Variants in FRY observed in about 807,000 individuals in gnomAD.
FRY encodes protein furry homolog.
Under a neutral mutation model 348.4 loss-of-function variants are expected in FRY, and 128 were observed. That is an observed-to-expected ratio of 0.37 (90% CI 0.32 to 0.43). The LOEUF (loss-of-function observed/expected upper bound fraction) is 0.43. Among genes scored for constraint, FRY ranks in the 20% least tolerant of loss-of-function variants. The pLI is 1.00. For synonymous variants in FRY, 1,370 were observed against 1,374.7 expected, an observed-to-expected ratio of 1.00 and a Z score of 0.08; for missense variants, 2,736 against 3,695.2, an observed-to-expected ratio of 0.74 and a Z score of 6.73.
At chr13:32,275,960 G>A (rs1888516186) in intron 56 of FRY, among the ~76,000 whole-genome samples, 1 of 151,942 alleles carries the variant, frequency 6.6e-6, no homozygotes. Flanking sequence ...GTGAGGATGT[G>A]CTTTGATTTT....
rs1316889347 is a variant in FRY at position 32,155,743 on chromosome 13, A to G, written c.1651+81A>G. The G allele has an allele frequency of 5.5e-6, 5 of 912,516 alleles. No homozygotes were observed. The African/African-American group carries it at 8.4e-5, about 15-fold the overall frequency. 56.5% of individuals were successfully genotyped at this position (912,516 alleles called of 1,614,324 possible). ...TAGATATTTATCTTTAGTGAGATGCAGTTTTTAAAAATCTTTATAGAAGTA... is the reference window on the plus strand; with the variant it reads ...TAGATATTTATCTTTAGTGAGATGCGGTTTTTAAAAATCTTTATAGAAGTA... On this transcript the variant is annotated intron_variant, in intron 15 of 60. Transcript: ENST00000542859.
At chr13:32,259,234 C>G (rs1887500038) in intron 51 of FRY, among the ~76,000 whole-genome samples, 1 of 152,230 alleles carries the variant, frequency 6.6e-6, no homozygotes, top group Admixed American at 6.5e-5. Flanking sequence ...CTGAGAAAGC[C>G]TGGTTGAGTT....
intron 27 of FRY, among the ~76,000 whole-genome samples, chr13:32,187,032 C>T (rs1278084892): frequency 6.6e-6 from 1 of 152,136 alleles, no homozygotes; most frequent in African/African-American, 2.4e-5. Context: ...CCTCCACCCA[C>T]CCCTTTAGAG....
At position 32,225,800 on chromosome 13, in the gene FRY, T is replaced by G; in HGVS notation, c.5032T>G (p.Tyr1678Asp). ...CTGTTTTGTTCCAGGTTTAGACCAC[T>G]ACCGGCCTGAAGTCTTTGAACACAG... ...LHAVFLGLDH[Y>D]RPEVFEHSKK... Residue 1678 changes from tyrosine to aspartate, a missense_variant, in exon 39 of 61, where the codon TAC becomes GAC. This residue lies in a region of FRY where 794 missense variants were observed against 977.0 expected (regional missense o/e 0.81). Transcript: ENST00000542859. 1 of 1,613,680 alleles carries G rather than the reference T, an allele frequency of 6.2e-7. No homozygotes were observed. The highest frequency in any genetic ancestry group is 8.5e-7 in the Non-Finnish European group (1 of 1,179,512).
chr13:32,136,678 G>A (rs1384055837), intron 10 of FRY, among the ~76,000 whole-genome samples, 193 bp from the exon 11 acceptor site: 12 of 152,280 alleles, frequency 7.9e-5, no homozygotes, highest in South Asian at 2.1e-4. Flanking sequence ...TCCATCCCCA[G>A]CATTATCAGA....
At chr13:32,043,660 T>C (rs769636215) in intron 1 of FRY, among the ~76,000 whole-genome samples, 2 of 152,172 alleles carry the variant, frequency 1.3e-5, no homozygotes, top group African/African-American at 4.8e-5. Context: ...TAGAGTTATA[T>C]TGATATGTAC....
chr13:32,254,503 G>C, intron 51 of FRY, 109 bp downstream of exon 51: 1 of 1,118,096 alleles, frequency 8.9e-7, no homozygotes, highest in Non-Finnish European at 1.3e-6. Flanking sequence ...TCTTTAATTG[G>C]AAAGTTGTAA....
Position 32,170,860 on chromosome 13 carries a change from T to C in FRY, c.1893-152T>C, listed in dbSNP as rs1396032018. 9.2e-6 allele frequency: 6 copies of C among 655,142 alleles called. No homozygotes were observed. The Admixed American group carries it at 1.5e-4, about 16-fold the overall frequency. 40.6% of individuals were successfully genotyped at this position (655,142 alleles called of 1,614,324 possible). On this transcript the variant is annotated intron_variant, in intron 17 of 60. Coordinates refer to ENST00000542859, the MANE Select transcript of FRY (RefSeq NM_023037.3). ...CCAAATTAGAAGTTTTTTAAAGGTA[T>C]TTATGTAAGTCATTTACTAAGCAAA...
intron 54 of FRY, 77 bp from the exon 55 acceptor site, chr13:32,267,092 CA>C: frequency 2.2e-6 from 3 of 1,349,050 alleles, no homozygotes; most frequent in Non-Finnish European, 3.2e-6. Flanking sequence ...TGCTGACTCT[CA>C]GGGTGAGAAT....
intron 1 of FRY, among the ~76,000 whole-genome samples, chr13:32,044,630 TC>T (rs1872921396): frequency 6.6e-6 from 1 of 152,188 alleles, no homozygotes; most frequent in Admixed American, 6.5e-5. Flanking sequence ...GCCCCACTTT[TC>T]CTCTGCTCAT....
At chr13:32,112,408 A>G (rs1878030303) in intron 3 of FRY, among the ~76,000 whole-genome samples, 1 of 152,200 alleles carries the variant, frequency 6.6e-6, no homozygotes. Context: ...AACACAAAGC[A>G]TCAGAGAAAT....
At chr13:32,275,463 A>G (rs1888490627) in intron 56 of FRY, among the ~76,000 whole-genome samples, 1 of 152,220 alleles carries the variant, frequency 6.6e-6, no homozygotes, top group South Asian at 2.1e-4. Context: ...AAGGTCTGCA[A>G]TATAAATACT....
At chr13:32,209,210 C>A in intron 32 of FRY, 101 bp downstream of exon 32, 1 of 1,312,012 alleles carries the variant, frequency 7.6e-7, no homozygotes, top group Non-Finnish European at 1.1e-6. Flanking sequence ...CTTTAAAAAT[C>A]ACATGACTGG....
chr13:32,034,139 A>G (rs943412315), intron 1 of FRY, among the ~76,000 whole-genome samples: 3 of 152,230 alleles, frequency 2.0e-5, no homozygotes. Flanking sequence ...CCTCTTAATT[A>G]TATGGTGGTG....
intron 46 of FRY, among the ~76,000 whole-genome samples, chr13:32,242,527 TTTTTG>T (rs373777202): frequency 1.3e-4 from 20 of 152,196 alleles, no homozygotes; most frequent in African/African-American, 3.4e-4. Flanking sequence ...TTACTCATGT[TTTTTG>T]TTTTGTTTTG....
Position 32,161,136 on chromosome 13 carries a change from A to G in FRY, c.1785-8A>G. 4 of 1,572,082 alleles carry G rather than the reference A, an allele frequency of 2.5e-6. No homozygotes were observed. Among genetic ancestry groups the G allele is most frequent in the Non-Finnish European group, 2.6e-6 (3 of 1,141,822 alleles). On this transcript the variant is annotated splice_polypyrimidine_tract_variant and splice_region_variant and intron_variant, in intron 16 of 60. Coordinates refer to ENST00000542859, the MANE Select transcript of FRY (RefSeq NM_023037.3). ...GACCTATTTTAAAATTTTGTCTTCT[A>G]ATTCTAGGGGTGAGAGAAAGCCAAA...
intron 23 of FRY, among the ~76,000 whole-genome samples, chr13:32,181,438 A>G (rs957192116): frequency 1.3e-5 from 2 of 151,530 alleles, no homozygotes; most frequent in Admixed American, 1.3e-4. Context: ...CTATTAAAGT[A>G]CAAAAATTAG....
intron 4 of FRY, 41 bp from the exon 5 acceptor site, chr13:32,124,245 A>G: frequency 8.8e-7 from 1 of 1,141,846 alleles, no homozygotes; most frequent in East Asian, 2.3e-5. Flanking sequence ...CTCTGAGAAT[A>G]CCTTCAGTGT....
Position 32,065,439 on chromosome 13 carries a change from G to A in FRY, c.71-13395G>A, listed in dbSNP as rs56306925. 7.1e-3 allele frequency among the ~76,000 whole-genome samples: 1,068 copies of A among 151,368 alleles called. 17 individuals are homozygous for A. The highest frequency in any genetic ancestry group is 0.024 in the African/African-American group (1,005 of 41,212). On this transcript the variant is annotated intron_variant, in intron 1 of 60. Transcript: ENST00000542859. ...TCATGCCTCAGCCTCCTGAGTAGCTGGGATTACAGGTGCCCACCACCACGC... is the reference window on the plus strand; with the variant it reads ...TCATGCCTCAGCCTCCTGAGTAGCTAGGATTACAGGTGCCCACCACCACGC...
Sources: allele counts gnomAD v4.1 joint callset (sites outside exome capture counted in the v4.1 genomes callset), GRCh38; gene constraint gnomAD v4.1.1; regional missense constraint gnomAD v4.1.1; transcripts MANE v1.5; gene names NCBI Gene and HGNC (gene_info 2026-07-23, HGNC 2026-07-21).